SLC22A15: variants seen among roughly 807,000 people sequenced by gnomAD.
SLC22A15 encodes the protein flipt 1.
A neutral mutation model predicts 62.7 loss-of-function variants in SLC22A15; 45 were observed. The observed-to-expected ratio is 0.72, with a 90% CI of 0.56 to 0.92. The LOEUF (loss-of-function observed/expected upper bound fraction) is 0.92. Among genes scored for constraint, SLC22A15 ranks in the 40% least tolerant of loss-of-function variants. SLC22A15 has a pLI of 0.00. For synonymous variants in SLC22A15, 264 were observed against 267.0 expected, an observed-to-expected ratio of 0.99 and a Z score of 0.11; for missense variants, 622 against 665.6, an observed-to-expected ratio of 0.93 and a Z score of 0.72.
chr1:115,992,208 C>T lies in SLC22A15; in HGVS notation c.265C>T (p.His89Tyr). ...ANGSEIHKHV[H>Y]FSSSFTSIAS... ...CGGCAGTGAGATCCATAAGCACGTG[C>T]ATTTCAGCAGCAGCTTCACCTCCAT... Residue 89 changes from histidine (H) to tyrosine (Y), a missense_variant, in exon 2 of 12, where the codon CAT (histidine) becomes TAT (tyrosine). Physicochemically the swap from His to Tyr is moderately conservative, Grantham distance 83. Coordinates refer to ENST00000369503, the MANE Select transcript of SLC22A15 (RefSeq NM_018420.3). 6.2e-7 allele frequency: 1 copy of T among 1,604,260 alleles called. No individual in the cohort carries two copies.
At chr1:116,051,368 A>G (rs369814842) in intron 8 of SLC22A15, among the ~76,000 whole-genome samples, 45 of 152,374 alleles carry the variant, frequency 3.0e-4, no homozygotes, top group African/African-American at 1.0e-3. Context: ...AAATAGGCAT[A>G]TAGACCAGTG....
At chr1:115,985,671 G>A (rs1335090903) in intron 1 of SLC22A15, among the ~76,000 whole-genome samples, 5 of 151,874 alleles carry the variant, frequency 3.3e-5, no homozygotes, top group South Asian at 2.1e-4. Flanking sequence ...AGAGAAGGCC[G>A]GGCGCGGTGG....
At chr1:115,978,438 G>A (rs184459538) in intron 1 of SLC22A15, among the ~76,000 whole-genome samples, 50 of 152,282 alleles carry the variant, frequency 3.3e-4, no homozygotes, top group Middle Eastern at 6.8e-3. Flanking sequence ...AACCTTGGAT[G>A]ATTTATGGTC....
At position 116,031,439 on chromosome 1, in the gene SLC22A15, A is replaced by G. The variant is rs1016773293; in HGVS notation, c.802A>G (p.Ile268Val). The change falls in exon 6 of 12, where the codon ATT becomes GTT. Residue 268 changes from isoleucine to valine, a missense_variant. Physicochemically the swap from Ile to Val is conservative, Grantham distance 29. Transcript: ENST00000369503. ...TGAGGCTGAAGAGGCGCTGTACCTC[A>G]TTGCCAAGAGGAACCGCAAACTCAA... is the stretch of plus-strand genomic sequence containing the variant. ...LSEAEEALYL[I>V]AKRNRKLKCT... 11 of 1,613,810 alleles carry G rather than the reference A, an allele frequency of 6.8e-6. No homozygotes were observed. The highest frequency in any genetic ancestry group is 9.3e-6 in the Non-Finnish European group (11 of 1,179,862).
At position 115,978,064 on chromosome 1, in the gene SLC22A15, A is replaced by T. The variant is rs541139298; in HGVS notation, c.87+1350A>T. Among the ~76,000 whole-genome samples, 10 of 152,342 alleles carry T rather than the reference A, an allele frequency of 6.6e-5. No homozygotes were observed. The South Asian group carries it at 2.1e-3, about 32-fold the overall frequency. On this transcript the variant is annotated intron_variant, in intron 1 of 11. Coordinates refer to ENST00000369503, the MANE Select transcript of SLC22A15 (RefSeq NM_018420.3). The stretch of plus-strand genomic sequence containing the variant: ...TTCAAGCTAAATGATAAGAGTATTT[A>T]ATACCGAGAAAGAAGAATTGCAACC...
At chr1:115,993,064 G>A (rs542341401) in intron 2 of SLC22A15, among the ~76,000 whole-genome samples, 191 of 152,316 alleles carry the variant, frequency 1.3e-3, no homozygotes, top group Non-Finnish European at 2.3e-3. Flanking sequence ...GAAGTTTCTG[G>A]TCCTTCTGAG....
At chr1:116,059,233 A>G (rs1179405205) in intron 8 of SLC22A15, among the ~76,000 whole-genome samples, 2 of 152,196 alleles carry the variant, frequency 1.3e-5, no homozygotes, top group African/African-American at 2.4e-5. Flanking sequence ...TTGCTAGTAA[A>G]AATACAAAAT....
chr1:115,992,329 C>G, intron 2 of SLC22A15, 86 bp downstream of exon 2: 1 of 1,161,976 alleles, frequency 8.6e-7, no homozygotes, highest in East Asian at 2.6e-5. Flanking sequence ...ATTTAAATAT[C>G]AGCCACATTT....
At chr1:116,023,551 G>A (rs987820372) in intron 4 of SLC22A15, among the ~76,000 whole-genome samples, 3 of 152,086 alleles carry the variant, frequency 2.0e-5, no homozygotes, top group Non-Finnish European at 4.4e-5. Flanking sequence ...TTTATTAAAC[G>A]GATTCTGCCA....
chr1:116,058,104 A>T (rs531054969), intron 8 of SLC22A15, among the ~76,000 whole-genome samples: 1 of 151,632 alleles, frequency 6.6e-6, no homozygotes, highest in South Asian at 2.1e-4. Flanking sequence ...ACTAATACAT[A>T]AAAAAAATAG....
chr1:115,999,952 G>C (rs1655638357), intron 2 of SLC22A15, among the ~76,000 whole-genome samples: 1 of 151,994 alleles, frequency 6.6e-6, no homozygotes, highest in Non-Finnish European at 1.5e-5. Context: ...CCGTTGGCAT[G>C]GAATATCTTT....
At chr1:115,990,645 C>T (rs1455610230) in intron 1 of SLC22A15, among the ~76,000 whole-genome samples, 2 of 152,204 alleles carry the variant, frequency 1.3e-5, no homozygotes, top group African/African-American at 4.8e-5. Flanking sequence ...GCATCCTGAC[C>T]CATGGCAGCT....
At chr1:116,003,473 T>G (rs1457801797) in intron 2 of SLC22A15, among the ~76,000 whole-genome samples, 1 of 152,168 alleles carries the variant, frequency 6.6e-6, no homozygotes, top group East Asian at 1.9e-4. Context: ...CTTGCAGTGG[T>G]GGGACTAGCC....
chr1:116,001,170 A>G (rs1255795191), intron 2 of SLC22A15, among the ~76,000 whole-genome samples: 2 of 151,960 alleles, frequency 1.3e-5, no homozygotes, highest in African/African-American at 4.8e-5. Flanking sequence ...CTGATCTGTT[A>G]GGTTTCCACT....
intron 3 of SLC22A15, 36 bp from the exon 4 acceptor site, chr1:116,020,685 G>A (rs770222711): frequency 1.3e-6 from 2 of 1,517,444 alleles, no homozygotes; most frequent in East Asian, 2.3e-5. Context: ...ATGCTATTTT[G>A]CCTCTGGATT....
chr1:116,008,285 T>A (rs1462900276), intron 2 of SLC22A15, among the ~76,000 whole-genome samples: 1 of 152,228 alleles, frequency 6.6e-6, no homozygotes, highest in Non-Finnish European at 1.5e-5. Flanking sequence ...TGGCAAGTAA[T>A]CTTTTAAAGG....
At chr1:116,028,523 C>CTTTTT (rs1177157642) in intron 5 of SLC22A15, among the ~76,000 whole-genome samples, 1 of 84,046 alleles carries the variant, frequency 1.2e-5, no homozygotes, top group Non-Finnish European at 2.2e-5. Context: ...AGCTGTTCTG[C>CTTTTT]TTTTTTTTTT....
intron 6 of SLC22A15, chr1:116,032,305 A>G (rs1057160101): frequency 1.2e-5 from 12 of 985,254 alleles, no homozygotes; most frequent in Non-Finnish European, 1.4e-5. Flanking sequence ...ATGGGTGCAT[A>G]CAATTTGTGG....
At chr1:115,999,086 A>G (rs1275186799) in intron 2 of SLC22A15, among the ~76,000 whole-genome samples, 1 of 152,176 alleles carries the variant, frequency 6.6e-6, no homozygotes, top group East Asian at 1.9e-4. Flanking sequence ...TATCGTTTTC[A>G]AAGTTCCACT....
Sources: allele counts gnomAD v4.1 joint callset (sites outside exome capture counted in the v4.1 genomes callset), GRCh38; gene constraint gnomAD v4.1.1; transcripts MANE v1.5; gene names NCBI Gene and HGNC (gene_info 2026-07-23, HGNC 2026-07-21).